C4orf50: variants seen among roughly 807,000 people sequenced by gnomAD.
C4orf50 encodes the protein chromosome 4 open reading frame 50, also known as uncharacterized protein C4orf50.
Under a neutral mutation model 77.2 loss-of-function variants are expected in C4orf50, and 80 were observed. The ratio of observed to expected loss-of-function variants is 1.04; its 90% CI spans 0.87 to 1.25. The LOEUF is 1.25. Ranked by LOEUF, C4orf50 falls within the 50% of genes most tolerant of loss-of-function variation. The pLI is 0.00. For missense variants in C4orf50, 1,257 were observed against 1,152.9 expected (o/e 1.09, Z -1.31); for synonymous variants, 532 against 465.3 (o/e 1.14, Z -1.84).
At position 5,932,705 on chromosome 4, in the gene C4orf50, G is replaced by T. The variant is rs898949388; in HGVS notation, c.*2474+24196C>A. 1.3e-5 allele frequency among the ~76,000 whole-genome samples: 2 copies of T among 152,146 alleles called. No individual in the cohort carries two copies. Among genetic ancestry groups the T allele is most frequent in the African/African-American group, 4.8e-5 (2 of 41,436 alleles). On this transcript the variant is annotated intron_variant, in intron 7 of 7. Coordinates refer to the C4orf50 transcript ENST00000324058. The surrounding 1 kb of genome is among the most constrained non-coding windows in gnomAD (Gnocchi z 4.2). ...AATTCTCTTACCTCAGCCTCCCAAA[G>T]TGCTGAGATAACAGGTGTGAGTCAC...
exon 28 of C4orf50, chr4:5,988,896 G>C: frequency 6.5e-7 from 1 of 1,535,936 alleles, no homozygotes; most frequent in African/African-American, 1.4e-5. Flanking sequence ...AGTTTTCCAG[G>C]GTGACTTGCT....
At chr4:5,990,428 G>A (rs1330298761) in exon 28 of C4orf50, 2 of 407,138 alleles carry the variant, frequency 4.9e-6, no homozygotes, top group Middle Eastern at 6.1e-4. Context: ...TCCTTGGGGT[G>A]TTTTTTCAGA....
intron 7 of C4orf50, among the ~76,000 whole-genome samples, chr4:5,909,310 T>C (rs1184589705): frequency 6.6e-6 from 1 of 152,212 alleles, no homozygotes; most frequent in Non-Finnish European, 1.5e-5. Flanking sequence ...ATAAATCATC[T>C]AGCTGTTGAC....
chr4:5,993,798 C>A (rs930836838), intron 26 of C4orf50, among the ~76,000 whole-genome samples: 1 of 149,914 alleles, frequency 6.7e-6, no homozygotes, highest in South Asian at 2.1e-4. Context: ...GCCTAGGTGA[C>A]AGAGTGAGAC....
chr4:5,973,533 C>A, intron 31 of C4orf50, 126 bp downstream of exon 9: 1 of 816,628 alleles, frequency 1.2e-6, no homozygotes, highest in Non-Finnish European at 2.0e-6. Context: ...GGGGTGTCTT[C>A]TTGGGTAGTG....
At chr4:5,964,565 C>A (rs926376952) in intron 33 of C4orf50, among the ~76,000 whole-genome samples, 1 of 151,846 alleles carries the variant, frequency 6.6e-6, no homozygotes, top group African/African-American at 2.4e-5. Flanking sequence ...GTCAGGAGTT[C>A]GAGACCAGCC....
intron 7 of C4orf50, among the ~76,000 whole-genome samples, chr4:5,923,766 G>A (rs546517397): frequency 7.8e-4 from 119 of 152,202 alleles, no homozygotes; most frequent in Admixed American, 4.3e-3. Flanking sequence ...GTGTCAACTT[G>A]ATTGGGTTGA....
At chr4:5,968,585 G>A (rs975142625) in intron 31 of C4orf50, among the ~76,000 whole-genome samples, 11 of 152,116 alleles carry the variant, frequency 7.2e-5, no homozygotes, top group African/African-American at 2.7e-4. Flanking sequence ...CTCAGGTCCC[G>A]CAGCCTTGAG....
chr4:5,931,432 T>C (rs1717763637), intron 7 of C4orf50, among the ~76,000 whole-genome samples: 1 of 152,144 alleles, frequency 6.6e-6, no homozygotes, highest in Non-Finnish European at 1.5e-5. Flanking sequence ...GTTTCTCAGG[T>C]GCGAAGATAA....
In C4orf50 at chr4:5,992,557, G is replaced by C. The variant is rs1721347642; in HGVS notation, c.1221+246C>G. Among the ~76,000 whole-genome samples, 1 of 152,138 alleles carries C rather than the reference G, an allele frequency of 6.6e-6. No individual in the cohort carries two copies. Among genetic ancestry groups the C allele is most frequent in the Admixed American group, 6.5e-5 (1 of 15,282 alleles). Reference sequence around the variant, plus strand: ...TGTCAGGAGGTGTCAACGAGATGAAGCCTGTTCCGTGGAAGCCCAGGCCTG... The same window carrying C: ...TGTCAGGAGGTGTCAACGAGATGAACCCTGTTCCGTGGAAGCCCAGGCCTG... On this transcript the variant is annotated intron_variant, in intron 27 of 33. Coordinates refer to ENST00000531445, the Ensembl canonical transcript of C4orf50. This position sits in a 1 kb window ranked among gnomAD's most constrained non-coding sequence, Gnocchi z 5.0.
At chr4:5,986,438 G>T (rs1720862607) in intron 28 of C4orf50, among the ~76,000 whole-genome samples, 1 of 151,964 alleles carries the variant, frequency 6.6e-6, no homozygotes, top group South Asian at 2.1e-4. Context: ...GAAATTAGAA[G>T]CTATTTTAGG....
chr4:5,988,893 C>A (rs1456946853), exon 28 of C4orf50: 1 of 1,535,980 alleles, frequency 6.5e-7, no homozygotes, highest in South Asian at 1.2e-5. Flanking sequence ...TCCAGTTTTC[C>A]AGGGTGACTT....
At position 6,011,250 on chromosome 4, in the gene C4orf50, C is replaced by A. The variant is rs1722482226; in HGVS notation, c.426+580G>T. Among the ~76,000 whole-genome samples, 1 of 152,184 alleles carries A rather than the reference C, an allele frequency of 6.6e-6. No homozygotes were observed. The highest frequency in any genetic ancestry group is 2.4e-5 in the African/African-American group (1 of 41,452). The stretch of plus-strand genomic sequence containing the variant: ...GAATTGGGCCATGCAGCGGAGTTGG[C>A]CACCTGGCCCCTCTGGAACTTTCCG... On this transcript the variant is annotated intron_variant, in intron 24 of 33. Coordinates refer to ENST00000531445, the Ensembl canonical transcript of C4orf50. This position sits in a 1 kb window ranked among gnomAD's most constrained non-coding sequence, Gnocchi z 4.2.
At chr4:5,995,612 T>C (rs1310955643) in intron 25 of C4orf50, among the ~76,000 whole-genome samples, 1 of 152,070 alleles carries the variant, frequency 6.6e-6, no homozygotes, top group Non-Finnish European at 1.5e-5. Flanking sequence ...TCCAGCCCGG[T>C]GCTGTTGGCT....
At chr4:5,971,889 G>A (rs1577949540) in intron 31 of C4orf50, among the ~76,000 whole-genome samples, 1 of 152,184 alleles carries the variant, frequency 6.6e-6, no homozygotes, top group Admixed American at 6.5e-5. Context: ...GTGAGGAGCA[G>A]CCCTTGGAAG....
exon 34 of C4orf50, chr4:5,957,542 T>A (rs889244990): frequency 6.6e-6 from 1 of 152,114 alleles, no homozygotes; most frequent in Non-Finnish European, 1.5e-5. Flanking sequence ...GTTTCCAATC[T>A]GGGGATTCTT....
At chr4:5,987,958 C>T (rs1022991623) in intron 28 of C4orf50, among the ~76,000 whole-genome samples, 5 of 152,196 alleles carry the variant, frequency 3.3e-5, no homozygotes, top group Non-Finnish European at 5.9e-5. Flanking sequence ...TTGCAACTTT[C>T]AAGACCCAAT....
chr4:5,964,847 T>C (rs4996083), intron 33 of C4orf50, among the ~76,000 whole-genome samples, 177 bp downstream of exon 11: 48,976 of 150,222 alleles, frequency 0.33, 8,141 homozygotes, highest in Admixed American at 0.43. Context: ...AATTAGATCA[T>C]AGAAGGAGAC....
chr4:5,936,562 C>CAAAAAAAAAAAAA (rs374200584), intron 7 of C4orf50, among the ~76,000 whole-genome samples: 4 of 75,426 alleles, frequency 5.3e-5, no homozygotes, highest in Admixed American at 1.9e-4. Flanking sequence ...GACGCCATCT[C>CAAAAAAAAAAAAA]AAAAAAAAAA....
Sources: allele counts gnomAD v4.1 joint callset (sites outside exome capture counted in the v4.1 genomes callset), GRCh38; gene constraint gnomAD v4.1.1; non-coding constraint Gnocchi (gnomAD v3.1); transcripts MANE v1.5; gene names NCBI Gene and HGNC (gene_info 2026-07-23, HGNC 2026-07-21).